Variants in TAFA1 observed in about 807,000 individuals in gnomAD.
TAFA1 encodes chemokine-like protein TAFA-1.
Under a neutral mutation model 18.5 loss-of-function variants are expected in TAFA1, and 4 were observed. The ratio of observed to expected loss-of-function variants is 0.22; its 90% CI spans 0.11 to 0.49. The LOEUF (loss-of-function observed/expected upper bound fraction) is 0.49, where lower values mean the gene tolerates loss of function less well. TAFA1 is among the 20% of genes least tolerant of loss of function. The pLI is 0.98. For synonymous variants in TAFA1, 56 were observed against 55.2 expected, an observed-to-expected ratio of 1.01 and a Z score of -0.06; for missense variants, 147 against 169.0, an observed-to-expected ratio of 0.87 and a Z score of 0.72.
At chr3:68,085,837 TTCCCCAAATCTCTTTCCAC>T (rs2064964653) in intron 2 of TAFA1, among the ~76,000 whole-genome samples, 1 of 152,218 alleles carries the variant, frequency 6.6e-6, no homozygotes, top group Non-Finnish European at 1.5e-5. Context: ...TCTGAAGCAT[TTCCCCAAATCTCTTTCCAC>T]AGTTCATGTA....
chr3:68,303,832 G>A (rs536354051), intron 2 of TAFA1, among the ~76,000 whole-genome samples: 3 of 152,046 alleles, frequency 2.0e-5, no homozygotes, highest in South Asian at 2.1e-4. Flanking sequence ...ACATGTATTC[G>A]AAAAGCAGCC....
At chr3:68,427,657 C>A (rs4855472) in intron 3 of TAFA1, among the ~76,000 whole-genome samples, 2 of 151,406 alleles carry the variant, frequency 1.3e-5, no homozygotes, top group African/African-American at 4.9e-5. Flanking sequence ...ACCTACCACC[C>A]CCCCCATACA....
At chr3:68,223,235 A>G (rs892493500) in intron 2 of TAFA1, among the ~76,000 whole-genome samples, 14 of 152,328 alleles carry the variant, frequency 9.2e-5, no homozygotes, top group South Asian at 2.1e-4. Flanking sequence ...GAGATCGCTT[A>G]TTAAACTTCT....
rs890406521 is a variant in TAFA1 at position 68,488,846 on chromosome 3, T to C, written c.260-49910T>C. ...AGCTGTTTAATTTTTCTGTGCCTCA[T>C]TTTCCTCATCTCTAAAATGGAATCA... On this transcript the variant is annotated intron_variant, in intron 3 of 4. Transcript: ENST00000478136. Among the ~76,000 whole-genome samples, 6 of 152,270 alleles carry C rather than the reference T, an allele frequency of 3.9e-5. No individual in the cohort carries two copies. The East Asian group carries it at 1.2e-3, about 29-fold the overall frequency.
At chr3:68,410,498 T>A (rs1467568553) in intron 2 of TAFA1, among the ~76,000 whole-genome samples, 2 of 152,044 alleles carry the variant, frequency 1.3e-5, no homozygotes, top group Non-Finnish European at 2.9e-5. Flanking sequence ...GGGCTAATTT[T>A]ATAGATATTT....
chr3:68,388,275 T>G (rs1258068932), intron 2 of TAFA1, among the ~76,000 whole-genome samples: 1 of 152,140 alleles, frequency 6.6e-6, no homozygotes, highest in East Asian at 1.9e-4. Flanking sequence ...AAAGGTAGTA[T>G]AGATCTAAAG....
At chr3:68,527,807 T>TA (rs548512302) in intron 3 of TAFA1, among the ~76,000 whole-genome samples, 5 of 151,836 alleles carry the variant, frequency 3.3e-5, no homozygotes, top group African/African-American at 7.3e-5. Context: ...CAAATACCTT[T>TA]AAAAAAAATC....
At chr3:68,499,442 C>CTTTTTTTTT (rs765191097) in intron 3 of TAFA1, among the ~76,000 whole-genome samples, 1 of 88,080 alleles carries the variant, frequency 1.1e-5, no homozygotes. Flanking sequence ...TTCTGTGTTC[C>CTTTTTTTTT]TTTCTTTTTT....
At chr3:68,050,163 G>T (rs548409526) in intron 2 of TAFA1, among the ~76,000 whole-genome samples, 1 of 152,198 alleles carries the variant, frequency 6.6e-6, no homozygotes, top group East Asian at 1.9e-4. Context: ...GGAAGGTGAT[G>T]CCAGGAAACA....
At chr3:68,532,289 A>T (rs566330112) in intron 3 of TAFA1, among the ~76,000 whole-genome samples, 1 of 152,278 alleles carries the variant, frequency 6.6e-6, no homozygotes, top group South Asian at 2.1e-4. Flanking sequence ...CAGAGGCAAA[A>T]CCTGGCAAAG....
chr3:68,138,894 G>A (rs977076192), intron 2 of TAFA1, among the ~76,000 whole-genome samples: 1 of 152,268 alleles, frequency 6.6e-6, no homozygotes, highest in South Asian at 2.1e-4. Context: ...GTTAGGATAT[G>A]TTTGACATTA....
chr3:68,214,540 A>G (rs369601556), intron 2 of TAFA1, among the ~76,000 whole-genome samples: 1 of 152,052 alleles, frequency 6.6e-6, no homozygotes, highest in African/African-American at 2.4e-5. Flanking sequence ...CCTGGTTCAC[A>G]GAGACCAGAG....
At chr3:68,445,667 A>G (rs573292720) in intron 3 of TAFA1, among the ~76,000 whole-genome samples, 1 of 152,134 alleles carries the variant, frequency 6.6e-6, no homozygotes, top group Non-Finnish European at 1.5e-5. Context: ...CAGTATTAGC[A>G]TGCATCAGAA....
At chr3:68,513,068 C>G (rs1487691375) in intron 3 of TAFA1, among the ~76,000 whole-genome samples, 1 of 152,076 alleles carries the variant, frequency 6.6e-6, no homozygotes, top group African/African-American at 2.4e-5. Flanking sequence ...ATGTGATTAT[C>G]TGGAGTTCTC....
intron 3 of TAFA1, among the ~76,000 whole-genome samples, chr3:68,493,759 G>A (rs2072495231): frequency 6.6e-6 from 1 of 152,180 alleles, no homozygotes; most frequent in Non-Finnish European, 1.5e-5. Context: ...TGAATGATCA[G>A]AAAATTTAAA....
At chr3:68,077,682 A>T (rs1432258715) in intron 2 of TAFA1, among the ~76,000 whole-genome samples, 6 of 152,078 alleles carry the variant, frequency 3.9e-5, no homozygotes, top group Non-Finnish European at 5.9e-5. Context: ...CTATTTTGGT[A>T]CCAGTACCAT....
upstream of TAFA1, among the ~76,000 whole-genome samples, chr3:68,002,296 G>A (rs1000900581): frequency 1.3e-5 from 2 of 152,166 alleles, no homozygotes; most frequent in Non-Finnish European, 2.9e-5. Flanking sequence ...TAGTTAAGGC[G>A]AGTCTTTATT....
intron 2 of TAFA1, among the ~76,000 whole-genome samples, chr3:68,148,031 T>C (rs574899030): frequency 6.6e-6 from 1 of 152,366 alleles, no homozygotes; most frequent in Admixed American, 6.5e-5. Flanking sequence ...ACTCTGCTTC[T>C]GCCAATGTTC....
chr3:68,428,859 G>A (rs2071109530), intron 3 of TAFA1, among the ~76,000 whole-genome samples: 1 of 151,896 alleles, frequency 6.6e-6, no homozygotes, highest in South Asian at 2.1e-4. Context: ...GTCATTCATG[G>A]TCTCCTTTGG....
Sources: gnomAD v4.1 joint callset for allele counts (sites outside exome capture counted in the v4.1 genomes callset) on GRCh38, gnomAD v4.1.1 for gene constraint, MANE v1.5 for transcripts, NCBI Gene and HGNC (gene_info 2026-07-23, HGNC 2026-07-21) for gene names.